Variants in B3GNT2 observed in about 807,000 individuals in gnomAD.
The protein encoded by B3GNT2 is UDP-GlcNAc:betaGal beta-1,3-N-acetylglucosaminyltransferase 2.
Under a neutral mutation model 27.6 loss-of-function variants are expected in B3GNT2, and 12 were observed. The ratio of observed to expected loss-of-function variants is 0.44; its 90% confidence interval spans 0.28 to 0.71. The LOEUF is 0.71. Among genes scored for constraint, B3GNT2 ranks in the 30% least tolerant of loss-of-function variants. The pLI is 0.17. For synonymous variants in B3GNT2, 192 were observed against 189.7 expected (o/e 1.01, Z -0.10); for missense variants, 413 against 488.5 (o/e 0.85, Z 1.46).
At chr2:62,204,554 C>T (rs1674332467) in intron 1 of B3GNT2, among the ~76,000 whole-genome samples, 2 of 152,194 alleles carry the variant, frequency 1.3e-5, no homozygotes, top group South Asian at 4.1e-4. Flanking sequence ...AAATAGTCAA[C>T]ATTTGGAACT....
At chr2:62,211,279 C>G (rs1674477287) in intron 1 of B3GNT2, among the ~76,000 whole-genome samples, 1 of 152,104 alleles carries the variant, frequency 6.6e-6, no homozygotes, top group Admixed American at 6.5e-5. Context: ...TCGATTGAAC[C>G]CAGGAGGTTG....
chr2:62,207,644 C>T (rs562997294), intron 1 of B3GNT2, among the ~76,000 whole-genome samples: 2 of 152,276 alleles, frequency 1.3e-5, no homozygotes, highest in African/African-American at 4.8e-5. Context: ...GTCAGATTCT[C>T]GTAAGGAGCA....
intron 1 of B3GNT2, among the ~76,000 whole-genome samples, chr2:62,219,778 A>G (rs1012281387): frequency 1.3e-5 from 2 of 152,182 alleles, no homozygotes; most frequent in Non-Finnish European, 2.9e-5. Flanking sequence ...TGGAGTTATC[A>G]CGGAAGTCTC....
intron 1 of B3GNT2, among the ~76,000 whole-genome samples, chr2:62,199,151 G>T (rs1001322093): frequency 6.6e-6 from 1 of 152,176 alleles, no homozygotes; most frequent in African/African-American, 2.4e-5. Flanking sequence ...GTGTTGGCCA[G>T]GCTGGTCTCG....
At chr2:62,215,154 G>C (rs149395909) in intron 1 of B3GNT2, among the ~76,000 whole-genome samples, 43 of 152,316 alleles carry the variant, frequency 2.8e-4, no homozygotes, top group African/African-American at 9.9e-4. Context: ...CTATAATGTT[G>C]CCTGTGGGAC....
chr2:62,213,996 C>T (rs2104202696), intron 1 of B3GNT2, among the ~76,000 whole-genome samples: 1 of 152,244 alleles, frequency 6.6e-6, no homozygotes, highest in Non-Finnish European at 1.5e-5. Flanking sequence ...GGAGGGTTCC[C>T]AGGCAGAGGC....
Position 62,214,589 on chromosome 2 carries a change from G to T in B3GNT2, c.-9-7623G>T, listed in dbSNP as rs1573267341. 2.0e-5 allele frequency among the ~76,000 whole-genome samples: 3 copies of T among 152,332 alleles called. No homozygotes were observed. In the South Asian group the frequency reaches 6.2e-4, roughly 32 times the overall value. The stretch of plus-strand genomic sequence containing the variant: ...GATGCTCATGGCATTGAATGGAGGA[G>T]TTTGTAGAGAGAAGACTACTAAAGA... On this transcript the variant is annotated intron_variant, in intron 1 of 1. Transcript: ENST00000301998.
chr2:62,197,225 C>T (rs573738979), intron 1 of B3GNT2, among the ~76,000 whole-genome samples: 15 of 152,178 alleles, frequency 9.9e-5, no homozygotes, highest in Middle Eastern at 3.4e-3. Flanking sequence ...GGACTGGCGG[C>T]TACTCCAGCA....
rs145883014 is a variant in B3GNT2 at position 62,223,256 on chromosome 2, G to A, written c.1036G>A (p.Val346Ile). 3.0e-5 allele frequency: 48 copies of A among 1,613,994 alleles called. No homozygotes were observed. The African/African-American group carries it at 4.0e-4, about 13-fold the overall frequency. ...TGMCLQKLGL[V>I]PEKHKGFRTF... ...AATGTGCCTTCAGAAACTCGGCCTCGTTCCAGAGAAACACAAAGGCTTCAG... is the reference window on the plus strand; with the variant it reads ...AATGTGCCTTCAGAAACTCGGCCTCATTCCAGAGAAACACAAAGGCTTCAG... The change falls in exon 2 of 2, where the codon GTT (valine) becomes ATT (isoleucine). Residue 346 changes from valine (V) to isoleucine (I), a missense_variant. Transcript: ENST00000301998.
chr2:62,221,760 C>T (rs1674698675), intron 1 of B3GNT2: 1 of 490,754 alleles, frequency 2.0e-6, no homozygotes, highest in Admixed American at 2.2e-5. Flanking sequence ...TATGTGTATA[C>T]TAAACACAGT....
intron 1 of B3GNT2, among the ~76,000 whole-genome samples, chr2:62,204,762 T>C (rs907766551): frequency 6.6e-6 from 1 of 152,230 alleles, no homozygotes. Context: ...ATGTTTCTCT[T>C]TTTTAAAAAA....
intron 1 of B3GNT2, among the ~76,000 whole-genome samples, chr2:62,208,174 G>C (rs1158238373): frequency 1.3e-5 from 2 of 151,846 alleles, no homozygotes; most frequent in African/African-American, 4.8e-5. Flanking sequence ...GTAGACATGA[G>C]GAGCCCACAT....
At chr2:62,210,808 G>C (rs971193516) in intron 1 of B3GNT2, among the ~76,000 whole-genome samples, 2 of 152,092 alleles carry the variant, frequency 1.3e-5, no homozygotes, top group Non-Finnish European at 2.9e-5. Flanking sequence ...AGTATTCACT[G>C]TCAGTGTGGA....
At position 62,222,826 on chromosome 2, in the gene B3GNT2, T is replaced by C; in HGVS notation, c.606T>C (p.Ser202=). 6.2e-7 allele frequency: 1 copy of C among 1,614,060 alleles called. No individual in the cohort carries two copies. Among genetic ancestry groups the C allele is most frequent in the South Asian group, 1.1e-5 (1 of 91,072 alleles). Residue 202 remains serine, a synonymous_variant, in exon 2 of 2, where the codon AGT becomes AGC. Transcript: ENST00000301998. The surrounding 1 kb of genome is among the most constrained non-coding windows in gnomAD (Gnocchi z 4.2). ...PDLSDMLKFE[S]EKHQDILMWN... ...TTTCAGATATGCTGAAATTTGAGAG[T>C]GAGAAGCACCAAGACATTCTTATGT...
intron 1 of B3GNT2, among the ~76,000 whole-genome samples, chr2:62,201,326 A>G (rs1232174052): frequency 6.6e-6 from 1 of 152,260 alleles, no homozygotes; most frequent in East Asian, 1.9e-4. Flanking sequence ...CCTGTGTAAC[A>G]TGAGCTAGGA....
chr2:62,222,163 A>C lies in B3GNT2; in HGVS notation c.-9-49A>C. On this transcript the variant is annotated intron_variant, in intron 1 of 1. Coordinates refer to ENST00000301998, the MANE Select transcript of B3GNT2 (RefSeq NM_006577.6). This position sits in a 1 kb window ranked among gnomAD's most constrained non-coding sequence, Gnocchi z 4.2. Reference sequence around the variant, plus strand: ...ACAGGTAAAATAAATTGTATGTGCAAATGCAAATTGATAAGTAATTGATAC... The same window carrying C: ...ACAGGTAAAATAAATTGTATGTGCACATGCAAATTGATAAGTAATTGATAC... 1 of 1,472,446 alleles carries C rather than the reference A, an allele frequency of 6.8e-7. No homozygotes were observed. The allele number at this position is 1,472,446 out of a possible 1,614,324, so 91.2% of individuals were successfully genotyped here. A position where few individuals can be genotyped will look rare whatever the true frequency, so the allele number is the denominator to read the frequency against.
At chr2:62,213,343 G>T (rs1018059410) in intron 1 of B3GNT2, among the ~76,000 whole-genome samples, 3 of 152,084 alleles carry the variant, frequency 2.0e-5, no homozygotes, top group Admixed American at 2.0e-4. Flanking sequence ...ATGCCCCCAG[G>T]TTGCAAATCT....
chr2:62,215,409 G>T (rs569279611), intron 1 of B3GNT2: 2 of 152,252 alleles, frequency 1.3e-5, no homozygotes, highest in Non-Finnish European at 2.9e-5. Flanking sequence ...CCGCAATCAA[G>T]GAACAAGCTG....
At chr2:62,213,591 C>G (rs1674518345) in intron 1 of B3GNT2, among the ~76,000 whole-genome samples, 1 of 152,096 alleles carries the variant, frequency 6.6e-6, no homozygotes, top group Admixed American at 6.5e-5. Flanking sequence ...CTGGGGCTGA[C>G]TGTGGGAAAT....
Sources: gnomAD v4.1 joint callset for allele counts (sites outside exome capture counted in the v4.1 genomes callset) on GRCh38, gnomAD v4.1.1 for gene constraint, Gnocchi (gnomAD v3.1) non-coding constraint, MANE v1.5 for transcripts, NCBI Gene and HGNC (gene_info 2026-07-23, HGNC 2026-07-21) for gene names.